The following MAD1L1 variants were observed in gnomAD, a reference collection of about 807,000 sequenced individuals.
MAD1L1 encodes mitotic spindle assembly checkpoint protein MAD1.
In MAD1L1, 95 loss-of-function variants were observed where a neutral mutation model predicts 96.9. That is an observed-to-expected ratio of 0.98 (90% CI 0.83 to 1.16). The LOEUF (loss-of-function observed/expected upper bound fraction) is 1.16, where lower values mean the gene tolerates loss of function less well. Ranked by LOEUF, MAD1L1 falls within the 50% of genes most tolerant of loss-of-function variation. MAD1L1 has a pLI of 0.00. For missense variants in MAD1L1, 1,007 were observed against 954.4 expected (o/e 1.06, Z -0.73); for synonymous variants, 473 against 396.6 (o/e 1.19, Z -2.29).
chr7:2,043,631 G>A (rs1000408026), intron 12 of MAD1L1, among the ~76,000 whole-genome samples: 3 of 152,182 alleles, frequency 2.0e-5, no homozygotes, highest in Non-Finnish European at 2.9e-5. Context: ...GTGGAGGCAC[G>A]CGGAGGGCCT....
intron 10 of MAD1L1, among the ~76,000 whole-genome samples, chr7:2,191,147 A>C (rs1791696720): frequency 6.6e-6 from 1 of 152,258 alleles, no homozygotes; most frequent in African/African-American, 2.4e-5. Context: ...ACATTCTGCC[A>C]GTGAAATCAC....
intron 16 of MAD1L1, among the ~76,000 whole-genome samples, chr7:1,940,986 T>TCCCCCCGCAGGCCTCACC (rs1279399235): frequency 2.4e-4 from 35 of 148,688 alleles, no homozygotes; most frequent in Non-Finnish European, 3.7e-4. Flanking sequence ...CTCCTCTTCC[T>TCCCCCCGCAGGCCTCACC]CTCCCAGGCC....
At chr7:1,857,121 G>A (rs923687022) in intron 18 of MAD1L1, among the ~76,000 whole-genome samples, 3 of 152,178 alleles carry the variant, frequency 2.0e-5, no homozygotes, top group Non-Finnish European at 4.4e-5. Flanking sequence ...GAGGCTCTGG[G>A]AACCTCCAGG....
At chr7:1,840,105 GGAC>G (rs1184980339) in intron 18 of MAD1L1, among the ~76,000 whole-genome samples, 12 of 152,196 alleles carry the variant, frequency 7.9e-5, no homozygotes, top group Non-Finnish European at 1.3e-4. Context: ...TCCCCCATGA[GGAC>G]GACATCAGAG....
chr7:1,944,793 C>T (rs560325375), intron 16 of MAD1L1, among the ~76,000 whole-genome samples: 2 of 152,332 alleles, frequency 1.3e-5, no homozygotes, highest in African/African-American at 2.4e-5. Context: ...GTCTGCAGGA[C>T]CAGGTGACGT....
intron 18 of MAD1L1, chr7:1,848,235 T>C (rs4719317): frequency 0.65 from 115,486 of 178,380 alleles, 37,938 homozygotes; most frequent in South Asian, 0.79. Context: ...CAGCCCGTGC[T>C]GGAAGCATCA....
chr7:1,836,681 C>G (rs992034196), intron 18 of MAD1L1, among the ~76,000 whole-genome samples: 3 of 152,118 alleles, frequency 2.0e-5, no homozygotes, highest in Non-Finnish European at 2.9e-5. Context: ...AATTAAAATC[C>G]TAGCAGGCTG....
intron 18 of MAD1L1, among the ~76,000 whole-genome samples, chr7:1,864,400 A>G (rs1784679285): frequency 6.6e-6 from 1 of 152,220 alleles, no homozygotes; most frequent in African/African-American, 2.4e-5. Flanking sequence ...CCTGCAGATC[A>G]AAGGTCCAGC....
chr7:1,942,692 C>G (rs981023592), intron 16 of MAD1L1, among the ~76,000 whole-genome samples: 1 of 152,150 alleles, frequency 6.6e-6, no homozygotes, highest in Admixed American at 6.5e-5. Context: ...GAAGACCCGG[C>G]GCTGTCGGGA....
chr7:1,939,116 G>A (rs1410338056), intron 16 of MAD1L1, among the ~76,000 whole-genome samples: 1 of 107,962 alleles, frequency 9.3e-6, no homozygotes, highest in Non-Finnish European at 1.8e-5. Flanking sequence ...AGGGCCAGAG[G>A]CGCGCACACA....
intron 15 of MAD1L1, among the ~76,000 whole-genome samples, chr7:1,975,655 A>T (rs978177915): frequency 1.3e-5 from 2 of 152,176 alleles, no homozygotes. Context: ...AAAGTCTAGC[A>T]CCTGGCCCTC....
At chr7:2,219,988 G>T (rs1793507811) in intron 5 of MAD1L1, among the ~76,000 whole-genome samples, 1 of 152,034 alleles carries the variant, frequency 6.6e-6, no homozygotes, top group African/African-American at 2.4e-5. Flanking sequence ...CGCTCCCAAA[G>T]TCCCATCAGA....
chr7:2,070,619 C>T (rs553296968), intron 11 of MAD1L1, among the ~76,000 whole-genome samples: 11 of 149,072 alleles, frequency 7.4e-5, no homozygotes, highest in Non-Finnish European at 1.5e-4. Flanking sequence ...CGCTGGAACA[C>T]GGGAGCTGCA....
intron 10 of MAD1L1, among the ~76,000 whole-genome samples, chr7:2,172,986 T>G (rs181424431): frequency 2.6e-5 from 4 of 152,228 alleles, no homozygotes; most frequent in Non-Finnish European, 4.4e-5. Context: ...AGCATGCCCC[T>G]GGCATTCCCA....
chr7:2,133,557 C>T (rs1473647693), intron 11 of MAD1L1, among the ~76,000 whole-genome samples: 5 of 152,362 alleles, frequency 3.3e-5, no homozygotes, highest in African/African-American at 7.2e-5. Flanking sequence ...CCAACTCTAA[C>T]GAGGTCCATC....
At chr7:2,038,345 C>T (rs1458849074) in intron 12 of MAD1L1, among the ~76,000 whole-genome samples, 1 of 152,082 alleles carries the variant, frequency 6.6e-6, no homozygotes, top group Non-Finnish European at 1.5e-5. Context: ...ATGAAGGTGG[C>T]CACACTAAAC....
chr7:1,980,852 C>T (rs542929970), intron 14 of MAD1L1: 43 of 466,930 alleles, frequency 9.2e-5, no homozygotes, highest in African/African-American at 5.0e-4. Flanking sequence ...GGAGAGAGCA[C>T]GCTCCAACGC....
At chr7:1,830,264 GCAC>G (rs1336494265) in intron 18 of MAD1L1, among the ~76,000 whole-genome samples, 47 of 152,240 alleles carry the variant, frequency 3.1e-4, no homozygotes, top group Non-Finnish European at 5.9e-4. Context: ...ACGTGCAGTG[GCAC>G]ATCCCTGTAA....
Position 1,970,403 on chromosome 7 carries a change from G to A in MAD1L1, c.1505+10050C>T, listed in dbSNP as rs543490367. Among the ~76,000 whole-genome samples the A allele has an allele frequency of 5.1e-3, 713 of 140,024 alleles. 1 individual carries two copies. Among genetic ancestry groups the A allele is most frequent in the Non-Finnish European group, 7.2e-3 (478 of 66,524 alleles). 91.9% of individuals were successfully genotyped at this position (140,024 alleles called of 152,430 possible). Reference sequence around the variant, plus strand: ...GGTTGGAGTGCAGTGGCACGATCTCGGCTCACTGCAACCTCCACCTCCCAG... The same window carrying A: ...GGTTGGAGTGCAGTGGCACGATCTCAGCTCACTGCAACCTCCACCTCCCAG... On this transcript the variant is annotated intron_variant, in intron 15 of 18. Transcript: ENST00000265854.
Sources: gnomAD v4.1 joint callset for allele counts (sites outside exome capture counted in the v4.1 genomes callset) on GRCh38, gnomAD v4.1.1 for gene constraint, MANE v1.5 for transcripts, NCBI Gene and HGNC (gene_info 2026-07-23, HGNC 2026-07-21) for gene names.